Variants in CTTNBP2 observed in about 807,000 individuals in gnomAD.
The protein encoded by CTTNBP2 is cortactin-binding protein 2.
In CTTNBP2, 108 loss-of-function variants were observed where a neutral mutation model predicts 156.9. The ratio of observed to expected loss-of-function variants is 0.69; its 90% CI spans 0.59 to 0.81. The LOEUF is 0.81. Ranked by LOEUF, CTTNBP2 falls within the 30% of genes least tolerant of loss-of-function variation. CTTNBP2 has a pLI of 0.00. For synonymous variants in CTTNBP2, 767 were observed against 751.8 expected, an observed-to-expected ratio of 1.02 and a Z score of -0.33; for missense variants, 1,924 against 2,035.4, an observed-to-expected ratio of 0.95 and a Z score of 1.05.
intron 4 of CTTNBP2, among the ~76,000 whole-genome samples, chr7:117,788,728 G>A (rs995017559): frequency 3.9e-5 from 6 of 152,160 alleles, no homozygotes; most frequent in African/African-American, 9.7e-5. Flanking sequence ...CACCCCCATT[G>A]TGTAAGTGTA....
At chr7:117,755,549 T>C (rs768470297) in intron 12 of CTTNBP2, 3 of 470,454 alleles carry the variant, frequency 6.4e-6, no homozygotes, top group South Asian at 4.6e-5. Context: ...TTGAGCATTT[T>C]ACCTCTCTCT....
At chr7:117,848,428 A>G (rs1802735621) in intron 2 of CTTNBP2, among the ~76,000 whole-genome samples, 1 of 152,128 alleles carries the variant, frequency 6.6e-6, no homozygotes, top group Admixed American at 6.5e-5. Flanking sequence ...AAAAGCACCC[A>G]TTTATACTCA....
chr7:117,802,420 C>A (rs542828059), intron 3 of CTTNBP2, among the ~76,000 whole-genome samples: 2 of 134,736 alleles, frequency 1.5e-5, no homozygotes, highest in South Asian at 4.7e-4. Context: ...AAATACCATT[C>A]TAGACTTCAG....
chr7:117,834,685 T>C (rs1253526498), intron 2 of CTTNBP2, among the ~76,000 whole-genome samples: 1 of 152,242 alleles, frequency 6.6e-6, no homozygotes, highest in Non-Finnish European at 1.5e-5. Context: ...ACTTTTAGTA[T>C]TGATAAATGA....
intron 2 of CTTNBP2, among the ~76,000 whole-genome samples, chr7:117,837,405 A>G (rs917241497): frequency 6.6e-6 from 1 of 152,162 alleles, no homozygotes; most frequent in Non-Finnish European, 1.5e-5. Context: ...CCTCTCTCTC[A>G]GTATACCCCT....
intron 16 of CTTNBP2, among the ~76,000 whole-genome samples, chr7:117,728,748 C>T (rs1288594132): frequency 1.3e-5 from 2 of 152,174 alleles, no homozygotes; most frequent in Non-Finnish European, 2.9e-5. Context: ...TTAAGATCTA[C>T]TCTCAGCAAT....
chr7:117,807,502 T>C (rs754096015), intron 3 of CTTNBP2, among the ~76,000 whole-genome samples: 24 of 152,214 alleles, frequency 1.6e-4, no homozygotes, highest in Non-Finnish European at 2.2e-4. Context: ...TCTTCGGTTG[T>C]CTAGCACTGG....
At chr7:117,763,826 C>T (rs897503248) in intron 9 of CTTNBP2, among the ~76,000 whole-genome samples, 1 of 152,060 alleles carries the variant, frequency 6.6e-6, no homozygotes, top group Non-Finnish European at 1.5e-5. Context: ...CTGCCTCAGC[C>T]TCCTCAAATG....
In CTTNBP2 at chr7:117,745,828, T is replaced by C; in HGVS notation, c.3535+3A>G. On this transcript the variant is annotated splice_donor_region_variant and intron_variant, in intron 14 of 22. Transcript: ENST00000160373. ...CACAGGCAATTTGCTGAAATGTTCT[T>C]ACCGCTACTAATGAACAGGTCTAGT... 1 of 1,605,586 alleles carries C rather than the reference T, an allele frequency of 6.2e-7. No homozygotes were observed. Among genetic ancestry groups the C allele is most frequent in the Non-Finnish European group, 8.5e-7 (1 of 1,172,230 alleles).
chr7:117,760,234 G>A (rs1307887575), intron 10 of CTTNBP2: 3 of 569,036 alleles, frequency 5.3e-6, no homozygotes, highest in Non-Finnish European at 9.3e-6. Flanking sequence ...AGTATTATTT[G>A]GGGCATAAAA....
chr7:117,806,387 G>A (rs1799941287), intron 3 of CTTNBP2, among the ~76,000 whole-genome samples: 1 of 152,192 alleles, frequency 6.6e-6, no homozygotes, highest in South Asian at 2.1e-4. Flanking sequence ...TATAAATTGA[G>A]AAAGCAGAGT....
At chr7:117,833,772 T>C (rs1431284706) in intron 2 of CTTNBP2, among the ~76,000 whole-genome samples, 4 of 152,224 alleles carry the variant, frequency 2.6e-5, no homozygotes, top group Non-Finnish European at 4.4e-5. Context: ...GTGAGCACTT[T>C]ACCTAGTACA....
intron 1 of CTTNBP2, among the ~76,000 whole-genome samples, chr7:117,863,546 G>A (rs955629852): frequency 2.0e-5 from 3 of 152,234 alleles, no homozygotes; most frequent in Admixed American, 6.5e-5. Flanking sequence ...CAGTGAGTCC[G>A]AGGTGGGGCT....
intron 4 of CTTNBP2, among the ~76,000 whole-genome samples, chr7:117,787,111 T>C (rs1798742878): frequency 6.6e-6 from 1 of 152,172 alleles, no homozygotes; most frequent in Non-Finnish European, 1.5e-5. Flanking sequence ...CCTGCCTAAA[T>C]ATGGGAAAAA....
At chr7:117,855,157 T>C (rs1268594647) in intron 2 of CTTNBP2, among the ~76,000 whole-genome samples, 1 of 152,168 alleles carries the variant, frequency 6.6e-6, no homozygotes, top group Non-Finnish European at 1.5e-5. Context: ...TTGCAAGTGG[T>C]TGGGCTCAGT....
At chr7:117,773,185 G>A (rs968212368) in intron 8 of CTTNBP2, among the ~76,000 whole-genome samples, 3 of 152,100 alleles carry the variant, frequency 2.0e-5, no homozygotes, top group Admixed American at 1.3e-4. Flanking sequence ...AACTCCATGC[G>A]ACAACGAATA....
At chr7:117,756,923 C>T (rs35543350) in intron 11 of CTTNBP2, among the ~76,000 whole-genome samples, 2,903 of 152,280 alleles carry the variant, frequency 0.019, 82 homozygotes, top group African/African-American at 0.066. Flanking sequence ...CAGGGCCTCC[C>T]GATCCCAGCC....
Position 117,725,261 on chromosome 7 carries a change from G to T in CTTNBP2, c.4056-4C>A. Reference sequence around the variant, plus strand: ...ATTCCACAGCTTAGACATCCACCTAGCAGGAGAGGGACCGATTCATCCCTT... The same window carrying T: ...ATTCCACAGCTTAGACATCCACCTATCAGGAGAGGGACCGATTCATCCCTT... On this transcript the variant is annotated splice_region_variant and splice_polypyrimidine_tract_variant and intron_variant, in intron 17 of 22. Coordinates refer to ENST00000160373, the MANE Select transcript of CTTNBP2 (RefSeq NM_033427.3). 6.2e-7 allele frequency: 1 copy of T among 1,613,466 alleles called. No individual in the cohort carries two copies. Among genetic ancestry groups the T allele is most frequent in the Non-Finnish European group, 8.5e-7 (1 of 1,179,380 alleles).
intron 3 of CTTNBP2, among the ~76,000 whole-genome samples, chr7:117,809,743 C>T (rs1321389877): frequency 3.3e-5 from 5 of 152,110 alleles, no homozygotes; most frequent in Admixed American, 6.6e-5. Context: ...GGAAAAGACA[C>T]GCATGAAATG....
Sources: gnomAD v4.1 joint callset for allele counts (sites outside exome capture counted in the v4.1 genomes callset) on GRCh38, gnomAD v4.1.1 for gene constraint, MANE v1.5 for transcripts, NCBI Gene and HGNC (gene_info 2026-07-23, HGNC 2026-07-21) for gene names.